The following WWC2 variants were observed in gnomAD, a reference collection of about 807,000 sequenced individuals.
The protein encoded by WWC2 is protein WWC2.
Under a neutral mutation model 138.5 loss-of-function variants are expected in WWC2, and 101 were observed. The observed-to-expected ratio is 0.73, with a 90% CI of 0.62 to 0.86. The LOEUF (loss-of-function observed/expected upper bound fraction) is 0.86, where lower values mean the gene tolerates loss of function less well. Among genes scored for constraint, WWC2 ranks in the 40% least tolerant of loss-of-function variants. WWC2 has a pLI of 0.00. For synonymous variants in WWC2, 558 were observed against 538.4 expected (o/e 1.04, Z -0.50); for missense variants, 1,420 against 1,419.4 (o/e 1.00, Z -0.01).
intron 19 of WWC2, among the ~76,000 whole-genome samples, 184 bp from the exon 20 acceptor site, chr4:183,285,783 A>AATTTAGGAAAATGAAGTT (rs1477755635): frequency 6.6e-6 from 1 of 152,140 alleles, no homozygotes; most frequent in East Asian, 1.9e-4. Context: ...ATAAATAAGT[A>AATTTAGGAAAATGAAGTT]ATTTAGGAAA....
rs1364799738 is a variant in WWC2 at position 183,318,709 on chromosome 4, C to T, written c.*2980C>T. 6.6e-6 allele frequency: 1 copy of T among 152,098 alleles called. No individual in the cohort carries two copies. Among genetic ancestry groups the T allele is most frequent in the African/African-American group, 2.4e-5 (1 of 41,394 alleles). The allele number at this position is 152,098 out of a possible 1,614,324, so 9.4% of individuals were successfully genotyped here. ...TATATGTATTGCTGATAAAAAAGGACGAAGTATTTTCATTGAGCAAATAAA... is the reference window on the plus strand; with the variant it reads ...TATATGTATTGCTGATAAAAAAGGATGAAGTATTTTCATTGAGCAAATAAA... On this transcript the variant is annotated 3_prime_UTR_variant, in exon 23 of 23. Coordinates refer to ENST00000403733, the MANE Select transcript of WWC2 (RefSeq NM_024949.6).
intron 2 of WWC2, among the ~76,000 whole-genome samples, chr4:183,201,852 G>A (rs1277068069): frequency 6.6e-6 from 1 of 152,192 alleles, no homozygotes; most frequent in East Asian, 1.9e-4. Flanking sequence ...CAGCCCCATG[G>A]CCCATCTTGT....
At chr4:183,220,564 G>T (rs895047163) in intron 4 of WWC2, among the ~76,000 whole-genome samples, 1 of 151,738 alleles carries the variant, frequency 6.6e-6, no homozygotes, top group South Asian at 2.1e-4. Flanking sequence ...GCCGGGCGCG[G>T]TGGCTCACGC....
At chr4:183,127,589 A>G (rs1188483521) in intron 1 of WWC2, among the ~76,000 whole-genome samples, 2 of 152,188 alleles carry the variant, frequency 1.3e-5, no homozygotes, top group Non-Finnish European at 2.9e-5. Flanking sequence ...CCTACAGTTA[A>G]TTATAGTGCA....
At chr4:183,306,373 G>T (rs1469829817) in intron 21 of WWC2, among the ~76,000 whole-genome samples, 1 of 152,126 alleles carries the variant, frequency 6.6e-6, no homozygotes. Flanking sequence ...GCTGTATTTT[G>T]TATGTAGGAA....
intron 22 of WWC2, among the ~76,000 whole-genome samples, 182 bp downstream of exon 22, chr4:183,312,650 G>A (rs1437524845): frequency 6.6e-6 from 1 of 152,214 alleles, no homozygotes; most frequent in African/African-American, 2.4e-5. Flanking sequence ...CAGAGTTAAA[G>A]GCTGATGAAA....
intron 1 of WWC2, among the ~76,000 whole-genome samples, chr4:183,134,159 T>C (rs1733037231): frequency 1.3e-5 from 2 of 152,142 alleles, no homozygotes; most frequent in Non-Finnish European, 2.9e-5. Flanking sequence ...TTTTTTGTAG[T>C]TCTTTTTGTT....
intron 21 of WWC2, among the ~76,000 whole-genome samples, chr4:183,301,046 T>C (rs1418137840): frequency 1.3e-5 from 2 of 152,192 alleles, no homozygotes; most frequent in Non-Finnish European, 1.5e-5. Flanking sequence ...TCGTGATATA[T>C]CCCTTGTTAA....
intron 21 of WWC2, among the ~76,000 whole-genome samples, chr4:183,290,223 TAG>T (rs1335411947): frequency 2.0e-5 from 3 of 152,206 alleles, no homozygotes; most frequent in South Asian, 4.1e-4. Context: ...GATTAAAAAA[TAG>T]AGTATTTTTG....
intron 21 of WWC2, among the ~76,000 whole-genome samples, chr4:183,308,712 A>T (rs1375099828): frequency 6.6e-6 from 1 of 152,182 alleles, no homozygotes; most frequent in African/African-American, 2.4e-5. Context: ...ATAACTTATA[A>T]CACCTGTTAT....
chr4:183,133,797 C>T (rs192818455), intron 1 of WWC2, among the ~76,000 whole-genome samples: 1 of 152,252 alleles, frequency 6.6e-6, no homozygotes, highest in East Asian at 1.9e-4. Flanking sequence ...GCCCCGCCTT[C>T]TCATGTTTTT....
At chr4:183,199,460 C>CT (rs1735243970) in intron 2 of WWC2, among the ~76,000 whole-genome samples, 3 of 152,206 alleles carry the variant, frequency 2.0e-5, no homozygotes, top group Admixed American at 2.0e-4. Flanking sequence ...ATCTATGTCA[C>CT]TATTTCTTCT....
chr4:183,315,188 T>G (rs897360120), intron 22 of WWC2, among the ~76,000 whole-genome samples: 3 of 152,250 alleles, frequency 2.0e-5, no homozygotes, highest in African/African-American at 7.2e-5. Flanking sequence ...AGATAGTTCC[T>G]CCTTCTCCTT....
At chr4:183,189,191 T>C (rs892776980) in intron 1 of WWC2, among the ~76,000 whole-genome samples, 1 of 151,830 alleles carries the variant, frequency 6.6e-6, no homozygotes, top group Non-Finnish European at 1.5e-5. Flanking sequence ...TCCTAGCACT[T>C]TGGGAGGCTG....
intron 4 of WWC2, among the ~76,000 whole-genome samples, chr4:183,226,873 A>G (rs1207027381): frequency 2.0e-5 from 3 of 152,084 alleles, no homozygotes; most frequent in African/African-American, 4.8e-5. Flanking sequence ...GGTAGAAAGA[A>G]AGATTTCATA....
intron 5 of WWC2, among the ~76,000 whole-genome samples, chr4:183,243,882 CTT>C (rs1736691889): frequency 6.6e-6 from 1 of 151,620 alleles, no homozygotes; most frequent in Non-Finnish European, 1.5e-5. Context: ...TTCTTGAAGT[CTT>C]TAATTGCTTG....
intron 1 of WWC2, among the ~76,000 whole-genome samples, chr4:183,111,768 G>A (rs1359512067): frequency 4.7e-5 from 7 of 149,902 alleles, no homozygotes; most frequent in African/African-American, 1.7e-4. Context: ...ATCATGGCTC[G>A]TTGCAGCCTC....
intron 1 of WWC2, among the ~76,000 whole-genome samples, chr4:183,152,882 CA>C (rs1370339852): frequency 2.7e-5 from 4 of 148,578 alleles, no homozygotes; most frequent in South Asian, 2.1e-4. Flanking sequence ...GACTCTGTCT[CA>C]AAAAAAAATA....
intron 21 of WWC2, among the ~76,000 whole-genome samples, chr4:183,310,079 C>T (rs957041611): frequency 1.3e-5 from 2 of 152,124 alleles, no homozygotes; most frequent in Admixed American, 1.3e-4. Context: ...AGGCAGAGCA[C>T]AGGGGAATTT....
Sources: gnomAD v4.1 joint callset for allele counts (sites outside exome capture counted in the v4.1 genomes callset) on GRCh38, gnomAD v4.1.1 for gene constraint, MANE v1.5 for transcripts, NCBI Gene and HGNC (gene_info 2026-07-23, HGNC 2026-07-21) for gene names.